MYT1: variants seen among roughly 807,000 people sequenced by gnomAD.
MYT1 encodes the protein myelin transcription factor I.
In MYT1, 23 loss-of-function variants were observed where a neutral mutation model predicts 123.0. The observed-to-expected ratio is 0.19, with a 90% CI of 0.13 to 0.26. MYT1 has a LOEUF of 0.26. MYT1 is among the 10% of genes least tolerant of loss of function. The probability of loss-of-function intolerance (pLI) is 1.00; values close to 1 mark genes in which losing one functional copy is unlikely to be tolerated. For missense variants in MYT1, 1,125 were observed against 1,472.5 expected (o/e 0.76, Z 3.86); for synonymous variants, 518 against 575.3 (o/e 0.90, Z 1.43).
chr20:64,206,871 G>A lies in MYT1; in HGVS notation c.398-723G>A, dbSNP rs116725117. 8.4e-3 allele frequency among the ~76,000 whole-genome samples: 1,286 copies of A among 152,270 alleles called. 24 individuals carry two copies. The highest frequency in any genetic ancestry group is 0.029 in the African/African-American group (1,219 of 41,554). ...CAGGTGTCCTTGCTGACAACCCTAC[G>A]GGGCCTGCATGTGGTGAGCACCTAC... On this transcript the variant is annotated intron_variant, in intron 6 of 22. Coordinates refer to ENST00000328439, the MANE Select transcript of MYT1 (RefSeq NM_004535.3).
chr20:64,171,348 A>C (rs1982273946), intron 1 of MYT1, among the ~76,000 whole-genome samples: 1 of 152,184 alleles, frequency 6.6e-6, no homozygotes, highest in Admixed American at 6.5e-5. Flanking sequence ...GGGATTTGTT[A>C]CTGAATGGCA....
intron 10 of MYT1, 26 bp from the exon 11 acceptor site, chr20:64,217,041 C>A: frequency 6.3e-7 from 1 of 1,592,898 alleles, no homozygotes; most frequent in Non-Finnish European, 8.6e-7. Flanking sequence ...ATCTCACTGG[C>A]TGTGCATCCC....
chr20:64,202,786 C>T lies in MYT1; in HGVS notation c.87-2249C>T, dbSNP rs1038054648. On this transcript the variant is annotated intron_variant, in intron 4 of 22. Coordinates refer to ENST00000328439, the MANE Select transcript of MYT1 (RefSeq NM_004535.3). This position sits in a 1 kb window ranked among gnomAD's most constrained non-coding sequence, Gnocchi z 5.0. ...GGGCCACACCCTCTTCCCAGCCTCA[C>T]GTGCATCCTTTCCTCACATCTCTGA... 2.6e-5 allele frequency among the ~76,000 whole-genome samples: 4 copies of T among 152,190 alleles called. No individual in the cohort carries two copies. Among genetic ancestry groups the T allele is most frequent in the Admixed American group, 6.5e-5 (1 of 15,290 alleles).
At chr20:64,236,776 G>A in intron 20 of MYT1, 130 bp downstream of exon 20, 1 of 752,828 alleles carries the variant, frequency 1.3e-6, no homozygotes, top group Non-Finnish European at 2.2e-6. Flanking sequence ...CACGGCAGAG[G>A]CAGATCCCTT....
intron 1 of MYT1, among the ~76,000 whole-genome samples, chr20:64,177,215 T>A (rs1156746557): frequency 6.6e-6 from 1 of 152,206 alleles, no homozygotes; most frequent in Non-Finnish European, 1.5e-5. Flanking sequence ...CCAGCGAGGC[T>A]GATTTAGAAG....
Position 64,217,140 on chromosome 20 carries a change from C to G in MYT1, c.1705C>G (p.Pro569Ala). 1 of 1,614,244 alleles carries G rather than the reference C, an allele frequency of 6.2e-7. No homozygotes were observed. ...CCGGCCCAACGTGGCCCCCGCCACA[C>G]CCAGGGCCAACTTGGCCAAGGAGCT... ...SYRPNVAPATPRANLAKELEK... is the reference protein window; with the variant it reads ...SYRPNVAPATARANLAKELEK... The change falls in exon 11 of 23, where the codon CCC (proline) becomes GCC (alanine). Residue 569 changes from proline to alanine, a missense_variant. By Grantham distance (27) the Pro-to-Ala change is conservative. Coordinates refer to ENST00000328439, the MANE Select transcript of MYT1 (RefSeq NM_004535.3).
At position 64,196,480 on chromosome 20, in the gene MYT1, C is replaced by T. The variant is rs1399980521; in HGVS notation, c.1-2382C>T. Among the ~76,000 whole-genome samples the T allele has an allele frequency of 1.3e-5, 2 of 152,266 alleles. No individual in the cohort carries two copies. Among genetic ancestry groups the T allele is most frequent in the African/African-American group, 4.8e-5 (2 of 41,468 alleles). On this transcript the variant is annotated intron_variant, in intron 2 of 22. Transcript: ENST00000328439. The surrounding 1 kb of genome is among the most constrained non-coding windows in gnomAD (Gnocchi z 4.3). ...TGCTGGTTTTGTCCAGATGCTTTCG[C>T]GTCAGCCGGCACTGCTGATTTCAAA...
intron 1 of MYT1, among the ~76,000 whole-genome samples, chr20:64,176,955 G>T (rs1056009493): frequency 8.5e-5 from 13 of 152,132 alleles, no homozygotes; most frequent in African/African-American, 3.1e-4. Context: ...GCGTTGGTAA[G>T]GTTAAAAGAA....
chr20:64,208,002 A>G lies in MYT1; in HGVS notation c.806A>G (p.Glu269Gly). ...GACGAGGAGGAGGAGGAGGAGGAAGAGGAGGAGGAGGAGGATGAAGAAGAG... is the reference window on the plus strand; with the variant it reads ...GACGAGGAGGAGGAGGAGGAGGAAGGGGAGGAGGAGGAGGATGAAGAAGAG... ...EEDEEEEEEE[E>G]EEEEDEEEEE... Residue 269 changes from glutamate to glycine, a missense_variant, in exon 7 of 23, where the codon GAG becomes GGG. Physicochemically the swap from Glu to Gly is moderately conservative, Grantham distance 98. Coordinates refer to ENST00000328439, the MANE Select transcript of MYT1 (RefSeq NM_004535.3). The surrounding 1 kb of genome is among the most constrained non-coding windows in gnomAD (Gnocchi z 5.4). 3 of 1,537,284 alleles carry G rather than the reference A, an allele frequency of 2.0e-6. No individual in the cohort carries two copies. The highest frequency in any genetic ancestry group is 2.6e-6 in the Non-Finnish European group (3 of 1,133,294).
chr20:64,232,492 C>T lies in MYT1; in HGVS notation c.2897+107C>T, dbSNP rs1288936310. 1.4e-5 allele frequency: 16 copies of T among 1,152,368 alleles called. No homozygotes were observed. The East Asian group carries it at 2.8e-4, about 20-fold the overall frequency. 71.4% of individuals were successfully genotyped at this position (1,152,368 alleles called of 1,614,324 possible). ...AGGGCCAGACCAGGGCTCCGTGTGA[C>T]CAGAGTTGCTCAAGGGAAAGGCCAG... On this transcript the variant is annotated intron_variant, in intron 19 of 22. Transcript: ENST00000328439. This position sits in a 1 kb window ranked among gnomAD's most constrained non-coding sequence, Gnocchi z 6.9.
chr20:64,177,937 T>TGGGTGG (rs1982518860), intron 1 of MYT1, among the ~76,000 whole-genome samples: 1 of 152,144 alleles, frequency 6.6e-6, no homozygotes, highest in Admixed American at 6.5e-5. Flanking sequence ...AGAGAAACCC[T>TGGGTGG]GGGTGGGGCT....
At chr20:64,215,205 C>A (rs557327953) in intron 10 of MYT1, among the ~76,000 whole-genome samples, 7 of 152,234 alleles carry the variant, frequency 4.6e-5, no homozygotes, top group Non-Finnish European at 1.0e-4. Flanking sequence ...GCAGATTTGG[C>A]CCCCGTGTGA....
chr20:64,181,553 G>C (rs1282824157), intron 1 of MYT1, among the ~76,000 whole-genome samples: 1 of 152,200 alleles, frequency 6.6e-6, no homozygotes, highest in African/African-American at 2.4e-5. Context: ...TCCTGTCACT[G>C]TCTGGGCTGG....
Position 64,207,792 on chromosome 20 carries a change from A to G in MYT1, c.596A>G (p.Gln199Arg). The change falls in exon 7 of 23, where the codon CAG (glutamine) becomes CGG (arginine). Residue 199 changes from glutamine to arginine, a missense_variant. This residue lies in a region of MYT1 where 406 missense variants were observed against 432.2 expected (regional missense o/e 0.94). Coordinates refer to ENST00000328439, the MANE Select transcript of MYT1 (RefSeq NM_004535.3). The stretch of plus-strand genomic sequence containing the variant: ...GGTCCTGGCATTGTGCACCTGCTTC[A>G]GGAGGCTGCAGAGGGAGCTGCCAGC... ...KPGPGIVHLLQEAAEGAASEE... is the reference protein window; with the variant it reads ...KPGPGIVHLLREAAEGAASEE... 6.2e-7 allele frequency: 1 copy of G among 1,613,952 alleles called. No individual in the cohort carries two copies. The highest frequency in any genetic ancestry group is 8.5e-7 in the Non-Finnish European group (1 of 1,179,980).
At chr20:64,180,371 C>T (rs1982616842) in intron 1 of MYT1, among the ~76,000 whole-genome samples, 1 of 152,252 alleles carries the variant, frequency 6.6e-6, no homozygotes, top group African/African-American at 2.4e-5. Flanking sequence ...TTTCCGTAGG[C>T]ATAACGTCCT....
intron 16 of MYT1, among the ~76,000 whole-genome samples, chr20:64,227,183 C>T (rs953840695): frequency 3.3e-5 from 5 of 152,202 alleles, no homozygotes; most frequent in Admixed American, 6.5e-5. Context: ...TGGTCTCCCT[C>T]GGGGAGACGG....
At chr20:64,227,351 A>C (rs1308220659) in intron 16 of MYT1, 64 bp from the exon 17 acceptor site, 4 of 1,526,812 alleles carry the variant, frequency 2.6e-6, no homozygotes, top group Non-Finnish European at 3.6e-6. Context: ...TGGGGGTCCC[A>C]GGGCTCTGGG....
intron 1 of MYT1, among the ~76,000 whole-genome samples, chr20:64,179,833 T>C (rs2145695418): frequency 6.6e-6 from 1 of 151,592 alleles, no homozygotes; most frequent in East Asian, 1.9e-4. Context: ...TACACAATGC[T>C]ACACACACAC....
At chr20:64,179,930 AT>A (rs1982590280) in intron 1 of MYT1, among the ~76,000 whole-genome samples, 1 of 95,492 alleles carries the variant, frequency 1.0e-5, no homozygotes, top group Admixed American at 1.4e-4. Flanking sequence ...TTATACACAC[AT>A]GCTACACACA....
Sources: gnomAD v4.1 joint callset for allele counts (sites outside exome capture counted in the v4.1 genomes callset) on GRCh38, gnomAD v4.1.1 for gene constraint, gnomAD v4.1.1 regional missense constraint, Gnocchi (gnomAD v3.1) non-coding constraint, MANE v1.5 for transcripts, NCBI Gene and HGNC (gene_info 2026-07-23, HGNC 2026-07-21) for gene names.